Variants in TESK2 observed in about 807,000 individuals in gnomAD.
The protein encoded by TESK2 is dual specificity testis-specific protein kinase 2.
In TESK2, 39 loss-of-function variants were observed where a neutral mutation model predicts 57.1. The ratio of observed to expected loss-of-function variants is 0.68; its 90% confidence interval spans 0.53 to 0.89. The LOEUF (loss-of-function observed/expected upper bound fraction) is 0.89. Among genes scored for constraint, TESK2 ranks in the 40% least tolerant of loss-of-function variants. The pLI is 0.00. For missense variants in TESK2, 646 were observed against 732.1 expected (o/e 0.88, Z 1.36); for synonymous variants, 249 against 267.9 (o/e 0.93, Z 0.69).
chr1:45,483,227 G>C (rs1466333793), intron 1 of TESK2, among the ~76,000 whole-genome samples: 1 of 151,480 alleles, frequency 6.6e-6, no homozygotes, highest in Non-Finnish European at 1.5e-5. Context: ...CTTGCAATGA[G>C]CTGAGATCAC....
intron 1 of TESK2, among the ~76,000 whole-genome samples, chr1:45,479,976 C>T (rs1029105513): frequency 6.6e-6 from 1 of 151,624 alleles, no homozygotes; most frequent in African/African-American, 2.4e-5. Flanking sequence ...GCGCATGCCA[C>T]CACACCCGGC....
At chr1:45,441,754 T>A (rs1284530207) in intron 2 of TESK2, among the ~76,000 whole-genome samples, 1 of 150,732 alleles carries the variant, frequency 6.6e-6, no homozygotes, top group African/African-American at 2.4e-5. Flanking sequence ...AGTAGTGAGA[T>A]TACAGGTACG....
chr1:45,421,862 G>A lies in TESK2; in HGVS notation c.223-16C>T. 2 of 1,613,240 alleles carry A rather than the reference G, an allele frequency of 1.2e-6. No individual in the cohort carries two copies. The highest frequency in any genetic ancestry group is 2.2e-5 in the South Asian group (2 of 91,012). On this transcript the variant is annotated splice_polypyrimidine_tract_variant and intron_variant, in intron 2 of 10. Transcript: ENST00000372086. The stretch of plus-strand genomic sequence containing the variant: ...GGTGTCGTACCTAGAATATTAAATA[G>A]AACAAGAAAAGAGGGTCAAGGGCAA...
intron 4 of TESK2, chr1:45,385,335 G>T: frequency 1.0e-6 from 1 of 985,306 alleles, no homozygotes; most frequent in Non-Finnish European, 1.2e-6. Context: ...CTCGGAGGAT[G>T]AATAATGACT....
intron 2 of TESK2, among the ~76,000 whole-genome samples, chr1:45,443,943 C>T (rs183196907): frequency 6.6e-6 from 1 of 152,004 alleles, no homozygotes; most frequent in South Asian, 2.1e-4. Flanking sequence ...CTTTGAGAGG[C>T]CAAGGTGGGA....
rs1282455007 is a variant in TESK2, at chr1:45,485,204, T to C, written c.-87+5648A>G. 6.0e-5 allele frequency among the ~76,000 whole-genome samples: 9 copies of C among 150,500 alleles called. No individual in the cohort carries two copies. In the Admixed American group the frequency reaches 6.0e-4, roughly 10 times the overall value. ...TTTTGTTTTTTGTTTTTTGTTTTTT[T>C]TTGAGATGGAGTCTCGCTCTGTCGC... On this transcript the variant is annotated intron_variant, in intron 1 of 10. Coordinates refer to ENST00000372086, the MANE Select transcript of TESK2 (RefSeq NM_007170.3).
rs148481021 is a variant in TESK2, at chr1:45,426,862, G to A, written c.223-5016C>T. Among the ~76,000 whole-genome samples the A allele has an allele frequency of 2.8e-3, 419 of 152,186 alleles. 1 individual carries two copies. The highest frequency in any genetic ancestry group is 9.4e-3 in the African/African-American group (391 of 41,532). On this transcript the variant is annotated intron_variant, in intron 2 of 10. Coordinates refer to ENST00000372086, the MANE Select transcript of TESK2 (RefSeq NM_007170.3). ...ATATGTAAAGGTATTCAACATCACT[G>A]ATCATCACAGAAATGCAAATCCAAA...
In TESK2 at chr1:45,343,966, T is replaced by C. The variant is rs1647100425; in HGVS notation, c.*874A>G. ...AAAAAAAATCAACAGAAGCAAGTTA[T>C]GAAAATATTTGACCAGCTTCATCTT... is the stretch of plus-strand genomic sequence containing the variant. On this transcript the variant is annotated 3_prime_UTR_variant, in exon 11 of 11. Transcript: ENST00000372086. This position sits in a 1 kb window ranked among gnomAD's most constrained non-coding sequence, Gnocchi z 4.3. The C allele has an allele frequency of 2.5e-6, 1 of 405,008 alleles. No individual in the cohort carries two copies. Among genetic ancestry groups the C allele is most frequent in the Non-Finnish European group, 4.5e-6 (1 of 222,720 alleles). The allele number at this position is 405,008 out of a possible 1,614,324, so 25.1% of individuals were successfully genotyped here. A position where few individuals can be genotyped will look rare whatever the true frequency, so the allele number is the denominator to read the frequency against.
chr1:45,389,215 A>T (rs1649038948), intron 3 of TESK2, among the ~76,000 whole-genome samples: 1 of 152,170 alleles, frequency 6.6e-6, no homozygotes, highest in African/African-American at 2.4e-5. Flanking sequence ...GGAGTTCAAG[A>T]CTAGCCTGGG....
chr1:45,386,761 C>T (rs1038444068), intron 3 of TESK2, among the ~76,000 whole-genome samples: 11 of 152,086 alleles, frequency 7.2e-5, no homozygotes, highest in Admixed American at 4.6e-4. Flanking sequence ...TCAAGCAATT[C>T]TCCTGCCTCA....
chr1:45,383,148 G>A (rs1557550728), intron 4 of TESK2, among the ~76,000 whole-genome samples: 1 of 152,160 alleles, frequency 6.6e-6, no homozygotes, highest in Non-Finnish European at 1.5e-5. Flanking sequence ...TTACTTTGGA[G>A]GACAAGCATT....
At chr1:45,466,296 G>A (rs1169747563) in intron 1 of TESK2, among the ~76,000 whole-genome samples, 1 of 152,082 alleles carries the variant, frequency 6.6e-6, no homozygotes, top group Admixed American at 6.6e-5. Flanking sequence ...CCAACATGGT[G>A]AAACCCTGTA....
chr1:45,421,330 G>C (rs1425590248), intron 3 of TESK2, among the ~76,000 whole-genome samples: 1 of 152,122 alleles, frequency 6.6e-6, no homozygotes, highest in Non-Finnish European at 1.5e-5. Flanking sequence ...GATAACTTGA[G>C]GGTGTAATTT....
chr1:45,486,452 CA>C (rs1653480410), intron 1 of TESK2, among the ~76,000 whole-genome samples: 1 of 151,954 alleles, frequency 6.6e-6, no homozygotes, highest in Admixed American at 6.6e-5. Flanking sequence ...TTTCTTTTTA[CA>C]ATTAACTAAA....
chr1:45,465,732 T>C (rs918480943), intron 1 of TESK2, among the ~76,000 whole-genome samples: 4 of 152,206 alleles, frequency 2.6e-5, no homozygotes, highest in Non-Finnish European at 5.9e-5. Context: ...TGAATAAAGA[T>C]ATTCATTTCA....
At chr1:45,392,471 A>G (rs967803170) in intron 3 of TESK2, among the ~76,000 whole-genome samples, 1 of 151,902 alleles carries the variant, frequency 6.6e-6, no homozygotes, top group African/African-American at 2.4e-5. Flanking sequence ...GCGAGGCAGA[A>G]GCTGGCGGAT....
chr1:45,467,407 C>T (rs548937884), intron 1 of TESK2, among the ~76,000 whole-genome samples: 27 of 151,780 alleles, frequency 1.8e-4, no homozygotes, highest in African/African-American at 6.3e-4. Flanking sequence ...TACAGTGGTG[C>T]GATCATGGCT....
rs1392365231 is a variant in TESK2, at chr1:45,381,682, A to C, written c.393+4230T>G. On this transcript the variant is annotated intron_variant, in intron 4 of 10. Transcript: ENST00000372086. ...TAACTCTGGAAATGTATGAGAAATA[A>C]ACGTTTATTGTATGCTTTTGAGGTT... Among the ~76,000 whole-genome samples the C allele has an allele frequency of 4.6e-5, 7 of 152,086 alleles. No homozygotes were observed. In the East Asian group the frequency reaches 1.3e-3, roughly 29 times the overall value.
At chr1:45,422,406 TGAA>T (rs1397327053) in intron 2 of TESK2, among the ~76,000 whole-genome samples, 3 of 151,960 alleles carry the variant, frequency 2.0e-5, no homozygotes, top group Admixed American at 1.3e-4. Context: ...AAGAAAAAAA[TGAA>T]GAAATAAATA....
Sources: gnomAD v4.1 joint callset for allele counts (sites outside exome capture counted in the v4.1 genomes callset) on GRCh38, gnomAD v4.1.1 for gene constraint, Gnocchi (gnomAD v3.1) non-coding constraint, MANE v1.5 for transcripts, NCBI Gene and HGNC (gene_info 2026-07-23, HGNC 2026-07-21) for gene names.